NUP155: variants seen among roughly 807,000 people sequenced by gnomAD.
The protein encoded by NUP155 is nuclear pore complex protein Nup155.
Under a neutral mutation model 180.4 loss-of-function variants are expected in NUP155, and 71 were observed. The observed-to-expected ratio is 0.39, with a 90% CI of 0.33 to 0.48. The LOEUF is 0.48. Among genes scored for constraint, NUP155 ranks in the 20% least tolerant of loss-of-function variants. The pLI is 0.91. For synonymous variants in NUP155, 582 were observed against 559.5 expected, an observed-to-expected ratio of 1.04 and a Z score of -0.57; for missense variants, 1,553 against 1,648.9, an observed-to-expected ratio of 0.94 and a Z score of 1.01.
At chr5:37,350,368 A>T in intron 6 of NUP155, 103 bp from the exon 7 acceptor site, 1 of 755,292 alleles carries the variant, frequency 1.3e-6, no homozygotes, top group Non-Finnish European at 2.3e-6. Flanking sequence ...TTCATGAAAT[A>T]CCAGTTATAA....
chr5:37,317,425 T>C (rs979897556), intron 21 of NUP155, among the ~76,000 whole-genome samples: 4 of 151,468 alleles, frequency 2.6e-5, no homozygotes, highest in South Asian at 2.1e-4. Context: ...GAGGCAGAGG[T>C]TGCAGTGAGC....
In NUP155 at chr5:37,299,763, G is replaced by A. The variant is rs777131341; in HGVS notation, c.3562-195C>T. On this transcript the variant is annotated intron_variant, in intron 30 of 34. Transcript: ENST00000231498. Reference sequence around the variant, plus strand: ...AAAGTTAAGGGTATGGGCCGGGTACGGTGACTCAGGCCTGTAATCCCAGCA... The same window carrying A: ...AAAGTTAAGGGTATGGGCCGGGTACAGTGACTCAGGCCTGTAATCCCAGCA... Among the ~76,000 whole-genome samples the A allele has an allele frequency of 3.3e-5, 5 of 151,986 alleles. No individual in the cohort carries two copies. In the East Asian group the frequency reaches 7.7e-4, roughly 23 times the overall value.
chr5:37,332,483 G>A (rs1454332697), intron 13 of NUP155, among the ~76,000 whole-genome samples: 4 of 151,632 alleles, frequency 2.6e-5, no homozygotes, highest in East Asian at 1.9e-4. Flanking sequence ...CACCATGCCC[G>A]GCTAAATTTT....
chr5:37,359,912 G>C (rs1188179924), intron 3 of NUP155, among the ~76,000 whole-genome samples: 1 of 152,146 alleles, frequency 6.6e-6, no homozygotes, highest in Non-Finnish European at 1.5e-5. Flanking sequence ...GAGGCCATGA[G>C]TTCAAGACCA....
chr5:37,293,158 A>T, intron 33 of NUP155, 173 bp from the exon 34 acceptor site: 1 of 578,364 alleles, frequency 1.7e-6, no homozygotes, highest in East Asian at 3.0e-5. Context: ...ATTTCAAACA[A>T]CATTAAAAAC....
chr5:37,331,885 AAC>A (rs778215860), intron 13 of NUP155, 90 bp from the exon 14 acceptor site: 3 of 821,440 alleles, frequency 3.7e-6, no homozygotes, highest in Non-Finnish European at 6.2e-6. Flanking sequence ...AAATAAATGA[AAC>A]AAACAAAAAA....
intron 30 of NUP155, 66 bp from the exon 31 acceptor site, chr5:37,299,634 C>A: frequency 2.0e-6 from 3 of 1,489,860 alleles, no homozygotes; most frequent in Non-Finnish European, 2.8e-6. Flanking sequence ...AATAGTGAAG[C>A]ACTCCTTGAA....
intron 26 of NUP155, 26 bp from the exon 27 acceptor site, chr5:37,304,869 T>C: frequency 1.3e-6 from 2 of 1,597,916 alleles, no homozygotes; most frequent in South Asian, 1.1e-5. Flanking sequence ...TAGTAAAAAT[T>C]AGCAGTTAAA....
intron 9 of NUP155, among the ~76,000 whole-genome samples, chr5:37,348,061 G>A (rs567297167): frequency 1.3e-5 from 2 of 152,266 alleles, no homozygotes; most frequent in East Asian, 1.9e-4. Context: ...TTGAACGCGC[G>A]AGGCAGAAGT....
chr5:37,308,151 A>C (rs1199403324), intron 24 of NUP155, among the ~76,000 whole-genome samples: 1 of 152,136 alleles, frequency 6.6e-6, no homozygotes, highest in African/African-American at 2.4e-5. Context: ...TTATACCTTA[A>C]AACTCAATAA....
Position 37,307,660 on chromosome 5 carries a change from C to T in NUP155, c.2768-228G>A, listed in dbSNP as rs972118808. 4.6e-5 allele frequency among the ~76,000 whole-genome samples: 7 copies of T among 152,172 alleles called. No individual in the cohort carries two copies. The East Asian group carries it at 1.2e-3, about 25-fold the overall frequency. On this transcript the variant is annotated intron_variant, in intron 24 of 34. Transcript: ENST00000231498. ...ATTGGGGGCCAGGTGTGGTGGCTCA[C>T]GCCTGTAATCCCAGCACTTTGGGAG...
At chr5:37,328,253 T>A in intron 17 of NUP155, 105 bp downstream of exon 17, 1 of 890,284 alleles carries the variant, frequency 1.1e-6, no homozygotes, top group Admixed American at 2.5e-5. Context: ...ATATTTATTT[T>A]CAAGGGAATA....
chr5:37,321,094 A>C (rs1193866033), intron 20 of NUP155, among the ~76,000 whole-genome samples: 1 of 145,146 alleles, frequency 6.9e-6, no homozygotes, highest in Non-Finnish European at 1.5e-5. Flanking sequence ...CACTCCTGTA[A>C]TCCCAGAACT....
intron 25 of NUP155, among the ~76,000 whole-genome samples, chr5:37,305,878 C>CA (rs1743124151): frequency 6.6e-6 from 1 of 150,482 alleles, no homozygotes; most frequent in Admixed American, 6.6e-5. Context: ...GTCTCAAAAA[C>CA]AAAAAACAAA....
At chr5:37,331,051 A>C (rs529547450) in intron 14 of NUP155, among the ~76,000 whole-genome samples, 1 of 151,914 alleles carries the variant, frequency 6.6e-6, no homozygotes, top group African/African-American at 2.4e-5. Flanking sequence ...TGGGAGGCTG[A>C]GGCAGGAGAA....
In NUP155 at chr5:37,314,320, G is replaced by A. The variant is rs1169857158; in HGVS notation, c.2314C>T (p.Leu772=). 62 of 1,601,852 alleles carry A rather than the reference G, an allele frequency of 3.9e-5. No individual in the cohort carries two copies. Among genetic ancestry groups the A allele is most frequent in the Non-Finnish European group, 5.3e-5 (62 of 1,169,690 alleles). ...GCCTGAAGTGAAATCTTTTCACTTA[G>A]TTGAGCCTCTAATGAGAAAACAAAA... The part of the protein sequence containing the change: ...ELQRKFHEAQ[L]SEKISLQAIQ... The change falls in exon 22 of 35, where the codon CTA becomes TTA. Residue 772 remains leucine (L), a synonymous_variant. Coordinates refer to ENST00000231498, the MANE Select transcript of NUP155 (RefSeq NM_153485.3).
intron 9 of NUP155, among the ~76,000 whole-genome samples, chr5:37,345,859 G>A (rs1746047577): frequency 1.4e-5 from 2 of 143,584 alleles, no homozygotes. Context: ...AGCTGAGACT[G>A]CAACACTGCA....
chr5:37,328,344 A>C lies in NUP155; in HGVS notation c.1876+14T>G, dbSNP rs780815420. On this transcript the variant is annotated intron_variant, in intron 17 of 34. Coordinates refer to ENST00000231498, the MANE Select transcript of NUP155 (RefSeq NM_153485.3). ...TTCAAAATGAATCCAATCCAAAACA[A>C]AGAAAAGAGGTACCATGAGACGGTG... 4.4e-6 allele frequency: 7 copies of C among 1,589,356 alleles called. No homozygotes were observed. The East Asian group carries it at 1.6e-4, about 36-fold the overall frequency.
intron 3 of NUP155, among the ~76,000 whole-genome samples, chr5:37,360,786 A>AG (rs751344090): frequency 0.014 from 1,846 of 131,756 alleles, 37 homozygotes; most frequent in African/African-American, 0.04. Flanking sequence ...ATAAAAAAAA[A>AG]GGGGGGGGGG....
Sources: allele counts gnomAD v4.1 joint callset (sites outside exome capture counted in the v4.1 genomes callset), GRCh38; gene constraint gnomAD v4.1.1; transcripts MANE v1.5; gene names NCBI Gene and HGNC (gene_info 2026-07-23, HGNC 2026-07-21).